The following TCF12 variants were observed in gnomAD, a reference collection of about 807,000 sequenced individuals.
The protein encoded by TCF12 is transcription factor 12, also known as DNA-binding protein HTF4.
Under a neutral mutation model 86.0 loss-of-function variants are expected in TCF12, and 45 were observed. The ratio of observed to expected loss-of-function variants is 0.52; its 90% CI spans 0.41 to 0.67. The LOEUF (loss-of-function observed/expected upper bound fraction) is 0.67, where lower values mean the gene tolerates loss of function less well. Ranked by LOEUF, TCF12 falls within the 30% of genes least tolerant of loss-of-function variation. The probability of loss-of-function intolerance (pLI) is 0.00; values close to 1 mark genes in which losing one functional copy is unlikely to be tolerated. For missense variants in TCF12, 881 were observed against 859.9 expected, an observed-to-expected ratio of 1.02 and a Z score of -0.31; for synonymous variants, 330 against 299.6, an observed-to-expected ratio of 1.10 and a Z score of -1.05.
chr15:56,970,485 A>C (rs1234456684), intron 3 of TCF12, among the ~76,000 whole-genome samples: 4 of 147,232 alleles, frequency 2.7e-5, no homozygotes, highest in Non-Finnish European at 5.9e-5. Flanking sequence ...ATCTCAAAAA[A>C]AAAAAAAAAA....
intron 5 of TCF12, among the ~76,000 whole-genome samples, chr15:57,148,549 A>G (rs2053527876): frequency 6.6e-6 from 1 of 152,056 alleles, no homozygotes; most frequent in Non-Finnish European, 1.5e-5. Context: ...GTTCAAGGAA[A>G]ATGACAAAAT....
chr15:57,175,504 C>T (rs1282191950), intron 6 of TCF12, among the ~76,000 whole-genome samples: 2 of 152,298 alleles, frequency 1.3e-5, no homozygotes, highest in South Asian at 2.1e-4. Context: ...AGAACAAGAT[C>T]ATTTCCACTT....
chr15:57,216,346 G>C (rs1415023407), intron 8 of TCF12, among the ~76,000 whole-genome samples: 2 of 151,902 alleles, frequency 1.3e-5, no homozygotes, highest in Non-Finnish European at 2.9e-5. Flanking sequence ...TGTTGAACTA[G>C]GTGACATGAA....
At chr15:56,985,021 A>G (rs2063114103) in intron 3 of TCF12, among the ~76,000 whole-genome samples, 1 of 152,216 alleles carries the variant, frequency 6.6e-6, no homozygotes, top group Admixed American at 6.5e-5. Context: ...TCAGGCCCTG[A>G]ATCAGTCAGA....
chr15:57,032,976 C>G (rs2066293273), intron 3 of TCF12, among the ~76,000 whole-genome samples: 1 of 151,750 alleles, frequency 6.6e-6, no homozygotes, highest in Non-Finnish European at 1.5e-5. Flanking sequence ...AAAGTATCAA[C>G]AAAGAAGTAA....
At chr15:56,957,902 G>C (rs1475812558) in intron 3 of TCF12, among the ~76,000 whole-genome samples, 2 of 152,144 alleles carry the variant, frequency 1.3e-5, no homozygotes, top group Non-Finnish European at 1.5e-5. Flanking sequence ...TAAGTCTGGA[G>C]CAGTGCTCAG....
chr15:57,077,479 C>G (rs118020093), intron 4 of TCF12, among the ~76,000 whole-genome samples: 6,103 of 149,000 alleles, frequency 0.041, 370 homozygotes, highest in Admixed American at 0.17. Flanking sequence ...GTGAACAAGT[C>G]TTGCACATTT....
intron 4 of TCF12, among the ~76,000 whole-genome samples, chr15:57,065,764 TC>T (rs2068822870): frequency 6.6e-6 from 1 of 152,176 alleles, no homozygotes; most frequent in South Asian, 2.1e-4. Flanking sequence ...ATCTTGCTTT[TC>T]TTTTTGCTAT....
intron 3 of TCF12, among the ~76,000 whole-genome samples, chr15:56,991,444 A>G (rs1430820): frequency 0.25 from 37,453 of 152,180 alleles, 5,426 homozygotes; most frequent in East Asian, 0.4. Context: ...GTTATCTTCC[A>G]TATAATTCTA....
intron 5 of TCF12, among the ~76,000 whole-genome samples, chr15:57,154,114 A>G (rs2053956305): frequency 6.6e-6 from 1 of 152,224 alleles, no homozygotes; most frequent in South Asian, 2.1e-4. Flanking sequence ...CATATCAGTA[A>G]TATAATGCAA....
intron 3 of TCF12, among the ~76,000 whole-genome samples, chr15:57,019,219 C>T (rs1253266235): frequency 1.3e-5 from 2 of 152,150 alleles, no homozygotes; most frequent in Non-Finnish European, 2.9e-5. Context: ...TACTCGTTGC[C>T]TTTTACTATC....
At chr15:57,167,430 G>A (rs1457370927) in intron 6 of TCF12, among the ~76,000 whole-genome samples, 1 of 151,948 alleles carries the variant, frequency 6.6e-6, no homozygotes, top group Non-Finnish European at 1.5e-5. Flanking sequence ...GTGTAGTGGT[G>A]CATGCCTGTA....
At position 57,010,890 on chromosome 15, in the gene TCF12, A is replaced by T. The variant is rs182649897; in HGVS notation, c.149-52860A>T. On this transcript the variant is annotated intron_variant, in intron 3 of 20. Coordinates refer to ENST00000333725, the MANE Select transcript of TCF12 (RefSeq NM_207037.2). ...AATTTCTGGTAGTTCATGTGGCCCC[A>T]TTTTTATGTAGTCGTATTGCTGTGA... Among the ~76,000 whole-genome samples the T allele has an allele frequency of 3.6e-3, 555 of 152,252 alleles. 5 individuals are homozygous for T. Among genetic ancestry groups the T allele is most frequent in the African/African-American group, 0.013 (528 of 41,554 alleles).
chr15:57,037,555 A>T (rs2066591913), intron 3 of TCF12, among the ~76,000 whole-genome samples: 1 of 152,242 alleles, frequency 6.6e-6, no homozygotes, highest in Non-Finnish European at 1.5e-5. Flanking sequence ...TAAAGAAGCC[A>T]TTCTGGGTTG....
At chr15:57,240,621 C>A (rs1316552364) in intron 12 of TCF12, among the ~76,000 whole-genome samples, 5 of 152,078 alleles carry the variant, frequency 3.3e-5, no homozygotes, top group Non-Finnish European at 4.4e-5. Context: ...ATGGCTCACG[C>A]CTGTAATCCC....
chr15:57,107,018 C>T (rs953867524), intron 5 of TCF12, among the ~76,000 whole-genome samples: 1 of 152,140 alleles, frequency 6.6e-6, no homozygotes, highest in Non-Finnish European at 1.5e-5. Flanking sequence ...CAGATTCTTA[C>T]AAAACAAAAC....
chr15:57,144,386 G>C (rs2053210562), intron 5 of TCF12, among the ~76,000 whole-genome samples: 3 of 152,196 alleles, frequency 2.0e-5, no homozygotes, highest in Admixed American at 2.0e-4. Flanking sequence ...CCAGAACAGG[G>C]CGTATTCCTG....
intron 5 of TCF12, among the ~76,000 whole-genome samples, chr15:57,139,900 T>C (rs1428838703): frequency 6.6e-6 from 1 of 152,326 alleles, no homozygotes; most frequent in African/African-American, 2.4e-5. Context: ...CACAGTCCTA[T>C]CATTCAGTCA....
intron 3 of TCF12, among the ~76,000 whole-genome samples, chr15:56,931,178 G>C (rs1348805662): frequency 6.6e-6 from 1 of 151,424 alleles, no homozygotes; most frequent in Admixed American, 6.6e-5. Context: ...AAAAAAAATT[G>C]TGGTGGACTT....
Sources: allele counts gnomAD v4.1 joint callset (sites outside exome capture counted in the v4.1 genomes callset), GRCh38; gene constraint gnomAD v4.1.1; transcripts MANE v1.5; gene names NCBI Gene and HGNC (gene_info 2026-07-23, HGNC 2026-07-21).